The following SLC35F4 variants were observed in gnomAD, a reference collection of about 807,000 sequenced individuals.
The protein encoded by SLC35F4 is chromosome 14 open reading frame 36.
A neutral mutation model predicts 44.2 loss-of-function variants in SLC35F4; 24 were observed. That is an observed-to-expected ratio of 0.54 (90% confidence interval 0.39 to 0.76). The LOEUF (loss-of-function observed/expected upper bound fraction) is 0.76, where lower values mean the gene tolerates loss of function less well. SLC35F4 is among the 30% of genes least tolerant of loss of function. The pLI, the probability that SLC35F4 is intolerant of heterozygous loss-of-function variation, is 0.00. For missense variants in SLC35F4, 562 were observed against 586.1 expected, an observed-to-expected ratio of 0.96 and a Z score of 0.42; for synonymous variants, 238 against 223.6, an observed-to-expected ratio of 1.06 and a Z score of -0.57.
chr14:57,789,383 C>T (rs2077853090), intron 1 of SLC35F4, among the ~76,000 whole-genome samples: 1 of 152,146 alleles, frequency 6.6e-6, no homozygotes, highest in Non-Finnish European at 1.5e-5. Context: ...TGCAAATAAA[C>T]TAGAAAATCT....
rs4901808 is a variant in SLC35F4, at chr14:57,664,808, T to C, written c.104-70684A>G. Among the ~76,000 whole-genome samples, 16 of 152,296 alleles carry C rather than the reference T, an allele frequency of 1.1e-4. No individual in the cohort carries two copies. The East Asian group carries it at 3.1e-3, about 29-fold the overall frequency. On this transcript the variant is annotated intron_variant, in intron 1 of 7. Coordinates refer to ENST00000556826, the MANE Select transcript of SLC35F4 (RefSeq NM_001306087.2). The stretch of plus-strand genomic sequence containing the variant: ...TATCAACTACTGGGAGTTGCTTCCA[T>C]GAAAATCAGGCTTTCTGTCCTCCAG...
At chr14:57,967,074 G>A (rs1880893903) in intron 1 of SLC35F4, among the ~76,000 whole-genome samples, 1 of 151,506 alleles carries the variant, frequency 6.6e-6, no homozygotes, top group Non-Finnish European at 1.5e-5. Context: ...TTATTACTCA[G>A]AATAAAAAAG....
chr14:57,931,917 G>A (rs1889705123), intron 1 of SLC35F4, among the ~76,000 whole-genome samples: 1 of 152,220 alleles, frequency 6.6e-6, no homozygotes, highest in African/African-American at 2.4e-5. Context: ...AGATGAGATA[G>A]GAGAGCTGAA....
At chr14:57,712,327 T>C (rs1389393500) in intron 1 of SLC35F4, among the ~76,000 whole-genome samples, 1 of 152,214 alleles carries the variant, frequency 6.6e-6, no homozygotes, top group African/African-American at 2.4e-5. Context: ...CACAGCTTTA[T>C]CCTGAAGGTC....
intron 1 of SLC35F4, among the ~76,000 whole-genome samples, chr14:57,779,615 G>A (rs74382263): frequency 3.8e-4 from 58 of 152,154 alleles, no homozygotes; most frequent in Non-Finnish European, 6.0e-4. Context: ...CCAAAATCTG[G>A]CAGAGATACA....
At chr14:57,813,759 C>A (rs867526947) in intron 1 of SLC35F4, among the ~76,000 whole-genome samples, 42 of 152,226 alleles carry the variant, frequency 2.8e-4, no homozygotes, top group African/African-American at 9.6e-4. Context: ...CAGTCCAGAA[C>A]AATGGGCACT....
At chr14:57,722,614 C>CA (rs2076112169) in intron 1 of SLC35F4, among the ~76,000 whole-genome samples, 2 of 152,156 alleles carry the variant, frequency 1.3e-5, no homozygotes, top group Admixed American at 1.3e-4. Flanking sequence ...TAGTGGCACT[C>CA]AACCGTCAAA....
intron 1 of SLC35F4, among the ~76,000 whole-genome samples, chr14:57,658,316 A>G (rs1274533587): frequency 6.6e-6 from 1 of 152,228 alleles, no homozygotes; most frequent in African/African-American, 2.4e-5. Flanking sequence ...AACTGATGCC[A>G]AATATGTAAG....
intron 1 of SLC35F4, among the ~76,000 whole-genome samples, chr14:57,898,968 T>C (rs1188361479): frequency 6.6e-6 from 1 of 152,178 alleles, no homozygotes; most frequent in Non-Finnish European, 1.5e-5. Flanking sequence ...TTGCTCCTAG[T>C]TGCCATCAAA....
intron 1 of SLC35F4, among the ~76,000 whole-genome samples, chr14:57,792,937 T>C (rs2077963193): frequency 6.6e-6 from 1 of 151,998 alleles, no homozygotes; most frequent in Non-Finnish European, 1.5e-5. Context: ...AATTAAATCA[T>C]ATAAACCTAT....
At chr14:57,669,060 G>C (rs1385206728) in intron 1 of SLC35F4, among the ~76,000 whole-genome samples, 1 of 152,116 alleles carries the variant, frequency 6.6e-6, no homozygotes, top group Non-Finnish European at 1.5e-5. Context: ...CCTGTAAGTT[G>C]GATTCCTAGG....
chr14:57,839,309 G>A (rs1290023616), intron 1 of SLC35F4, among the ~76,000 whole-genome samples: 2 of 152,056 alleles, frequency 1.3e-5, no homozygotes, highest in Non-Finnish European at 2.9e-5. Flanking sequence ...AATATTGATG[G>A]CAGTGATTCT....
chr14:57,870,079 A>C (rs928069453), upstream of SLC35F4, among the ~76,000 whole-genome samples: 12 of 151,728 alleles, frequency 7.9e-5, no homozygotes, highest in South Asian at 4.2e-4. Context: ...GAAAGTCTTA[A>C]GTAATTTCAA....
chr14:57,761,538 A>C lies in SLC35F4; in HGVS notation c.103+104185T>G, dbSNP rs1008002846. On this transcript the variant is annotated intron_variant, in intron 1 of 7. Coordinates refer to ENST00000556826, the MANE Select transcript of SLC35F4 (RefSeq NM_001306087.2). ...GTTATTACAATAATTTCTGATATGC[A>C]CTGATTTGTAAAATATCAAAGCTCC... Among the ~76,000 whole-genome samples the C allele has an allele frequency of 4.6e-5, 7 of 152,328 alleles. No individual in the cohort carries two copies. In the East Asian group the frequency reaches 1.3e-3, roughly 29 times the overall value.
intron 3 of SLC35F4, among the ~76,000 whole-genome samples, chr14:57,583,313 G>T (rs8012148): frequency 0.013 from 1,992 of 152,292 alleles, 41 homozygotes; most frequent in African/African-American, 0.045. Context: ...GAAAGCTGCC[G>T]TGTAGAGCTG....
At chr14:57,662,747 G>A (rs894573057) in intron 1 of SLC35F4, among the ~76,000 whole-genome samples, 1 of 152,174 alleles carries the variant, frequency 6.6e-6, no homozygotes, top group East Asian at 1.9e-4. Context: ...CTAAGAGTTT[G>A]CAAGGTGTGC....
chr14:57,758,799 T>C (rs1485848538), intron 1 of SLC35F4, among the ~76,000 whole-genome samples: 1 of 152,204 alleles, frequency 6.6e-6, no homozygotes, highest in Admixed American at 6.5e-5. Flanking sequence ...AAAAATTCTA[T>C]ATAATAAATT....
intron 1 of SLC35F4, among the ~76,000 whole-genome samples, chr14:57,922,520 A>G (rs780255533): frequency 3.9e-5 from 6 of 152,186 alleles, no homozygotes; most frequent in Non-Finnish European, 8.8e-5. Flanking sequence ...GCAAAGGAGG[A>G]GTCACACAGT....
chr14:57,771,605 T>C (rs566451031), intron 1 of SLC35F4, among the ~76,000 whole-genome samples: 14 of 152,308 alleles, frequency 9.2e-5, no homozygotes, highest in African/African-American at 2.6e-4. Context: ...TACTTATTTA[T>C]TTATTTGAGA....
Sources: gnomAD v4.1 joint callset for allele counts (sites outside exome capture counted in the v4.1 genomes callset) on GRCh38, gnomAD v4.1.1 for gene constraint, MANE v1.5 for transcripts, NCBI Gene and HGNC (gene_info 2026-07-23, HGNC 2026-07-21) for gene names.